The following SIL1 variants were observed in gnomAD, a reference collection of about 807,000 sequenced individuals.
The protein encoded by SIL1 is nucleotide exchange factor SIL1.
In SIL1, 40 loss-of-function variants were observed where a neutral mutation model predicts 49.1. The ratio of observed to expected loss-of-function variants is 0.81; its 90% CI spans 0.63 to 1.06. The LOEUF is 1.06. Among genes scored for constraint, SIL1 ranks in the 50% least tolerant of loss-of-function variants. SIL1 has a pLI of 0.00. For synonymous variants in SIL1, 253 were observed against 250.8 expected, an observed-to-expected ratio of 1.01 and a Z score of -0.08; for missense variants, 500 against 572.6, an observed-to-expected ratio of 0.87 and a Z score of 1.29.
chr5:139,064,772 T>C (rs1166838027), intron 3 of SIL1, among the ~76,000 whole-genome samples: 2 of 152,158 alleles, frequency 1.3e-5, no homozygotes, highest in African/African-American at 2.4e-5. Flanking sequence ...AAGATCTGGT[T>C]CCAGGTCCAG....
At position 139,009,166 on chromosome 5, in the gene SIL1, T is replaced by G. The variant is rs1313361340; in HGVS notation, c.767+12005A>C. On this transcript the variant is annotated intron_variant, in intron 7 of 9. Coordinates refer to ENST00000394817, the MANE Select transcript of SIL1 (RefSeq NM_022464.5). The stretch of plus-strand genomic sequence containing the variant: ...TGCTCCTGTATTGGGTGCATATATA[T>G]TTAGGATAGTTAGCTCTTCTTGTTG... Among the ~76,000 whole-genome samples the G allele has an allele frequency of 2.0e-5, 3 of 150,176 alleles. No homozygotes were observed. In the East Asian group the frequency reaches 5.9e-4, roughly 29 times the overall value.
chr5:139,062,340 T>C (rs1278475909), intron 3 of SIL1, among the ~76,000 whole-genome samples: 2 of 151,900 alleles, frequency 1.3e-5, no homozygotes, highest in African/African-American at 2.4e-5. Context: ...CTGAGAAAAA[T>C]AGGAATATTC....
At chr5:139,035,626 C>T (rs1405255846) in intron 5 of SIL1, 1 of 297,808 alleles carries the variant, frequency 3.4e-6, no homozygotes, top group Non-Finnish European at 6.5e-6. Flanking sequence ...ACCCTCCGTG[C>T]ATCTCAGGTA....
At chr5:139,157,170 TTATCAGGTGTGGAGAGAAATAGTCCAGAA>T (rs1194121185) in intron 1 of SIL1, among the ~76,000 whole-genome samples, 1 of 152,230 alleles carries the variant, frequency 6.6e-6, no homozygotes, top group Non-Finnish European at 1.5e-5. Context: ...GATGTTCTAA[TTATCAGGTGTGGAGAGAAATAGTCCAGAA>T]TCTATCATCC....
At chr5:139,133,958 C>G (rs973298736) in intron 1 of SIL1, among the ~76,000 whole-genome samples, 8 of 152,160 alleles carry the variant, frequency 5.3e-5, no homozygotes, top group Non-Finnish European at 7.4e-5. Context: ...GCTATGTGAT[C>G]TTGGACACAA....
chr5:139,056,706 CCCCCGCCCGGCCAGCCG>C (rs1769448665), intron 3 of SIL1, among the ~76,000 whole-genome samples: 1 of 151,024 alleles, frequency 6.6e-6, no homozygotes. Context: ...GGGCGTCAGC[CCCCCGCCCGGCCAGCCG>C]CCCCGCCCGG....
At chr5:139,042,860 G>A (rs1028611051) in intron 4 of SIL1, 141 bp from the exon 5 acceptor site, 7 of 770,146 alleles carry the variant, frequency 9.1e-6, no homozygotes, top group South Asian at 1.5e-5. Flanking sequence ...TATTAGTTAG[G>A]ATGTGATGGT....
chr5:139,051,931 A>G (rs1314574526), intron 3 of SIL1, among the ~76,000 whole-genome samples: 1 of 152,238 alleles, frequency 6.6e-6, no homozygotes, highest in Non-Finnish European at 1.5e-5. Context: ...GGAGAATTTC[A>G]GGGAAAAGGT....
In SIL1 at chr5:139,121,029, T is replaced by C. The variant is rs760124934; in HGVS notation, c.244+6A>G. The C allele has an allele frequency of 1.2e-6, 2 of 1,613,940 alleles. No homozygotes were observed. The highest frequency in any genetic ancestry group is 8.5e-7 in the Non-Finnish European group (1 of 1,180,024). ...TGTTTTGTGGGGACAGGGCTGGGCC[T>C]GATACCTGGCTGAAGGGCCTGCCAC... On this transcript the variant is annotated splice_donor_region_variant and intron_variant, in intron 3 of 9. Coordinates refer to ENST00000394817, the MANE Select transcript of SIL1 (RefSeq NM_022464.5).
intron 3 of SIL1, among the ~76,000 whole-genome samples, chr5:139,114,082 C>T (rs1770934049): frequency 6.6e-6 from 1 of 152,216 alleles, no homozygotes; most frequent in Non-Finnish European, 1.5e-5. Flanking sequence ...CACCCAAATG[C>T]ACAGATTGCA....
At chr5:139,143,344 C>CATATATATATATATATATATAT (rs1314250793) in intron 1 of SIL1, among the ~76,000 whole-genome samples, 4 of 97,498 alleles carry the variant, frequency 4.1e-5, no homozygotes, top group African/African-American at 1.1e-4. Context: ...CACACACACA[C>CATATATATATATATATATATAT]ATATATATAT....
intron 3 of SIL1, among the ~76,000 whole-genome samples, chr5:139,104,504 A>G (rs1319564041): frequency 6.6e-6 from 1 of 152,216 alleles, no homozygotes; most frequent in African/African-American, 2.4e-5. Context: ...TTCACAGACA[A>G]GGATTTTCTA....
intron 7 of SIL1, among the ~76,000 whole-genome samples, chr5:138,993,872 T>A (rs1316525416): frequency 1.3e-5 from 2 of 152,244 alleles, no homozygotes; most frequent in African/African-American, 4.8e-5. Flanking sequence ...AAGTCACACT[T>A]GGACTCCTGA....
intron 5 of SIL1, among the ~76,000 whole-genome samples, chr5:139,041,832 A>AT (rs1769055062): frequency 6.6e-6 from 1 of 151,868 alleles, no homozygotes; most frequent in East Asian, 1.9e-4. Flanking sequence ...AAAAAAAAAA[A>AT]ACAAAAAAAA....
chr5:139,168,340 T>C lies in SIL1; in HGVS notation c.-11+29929A>G, dbSNP rs573557238. ...GAAAGGCCTTGATGGCAAATTGCAG[T>C]TAATGTCTATCAATTTCAACTCTTA... is the stretch of plus-strand genomic sequence containing the variant. On this transcript the variant is annotated intron_variant, in intron 1 of 9. Coordinates refer to ENST00000394817, the MANE Select transcript of SIL1 (RefSeq NM_022464.5). 6.6e-5 allele frequency among the ~76,000 whole-genome samples: 10 copies of C among 152,300 alleles called. No homozygotes were observed. In the East Asian group the frequency reaches 1.9e-3, roughly 29 times the overall value.
At chr5:138,957,263 A>G (rs555435091) in intron 7 of SIL1, among the ~76,000 whole-genome samples, 40 of 152,200 alleles carry the variant, frequency 2.6e-4, no homozygotes, top group South Asian at 2.1e-3. Context: ...ATTTCAGACT[A>G]GTGCTTTAAA....
chr5:138,961,141 C>T (rs978448750), intron 7 of SIL1, among the ~76,000 whole-genome samples: 14 of 152,188 alleles, frequency 9.2e-5, no homozygotes, highest in Non-Finnish European at 2.1e-4. Flanking sequence ...TTTAAAAATA[C>T]TCTTAAGTCA....
At chr5:139,109,057 A>G (rs1770787938) in intron 3 of SIL1, among the ~76,000 whole-genome samples, 1 of 152,244 alleles carries the variant, frequency 6.6e-6, no homozygotes, top group Admixed American at 6.5e-5. Flanking sequence ...CCCACAAAGT[A>G]CATCCCTTAA....
At chr5:139,055,907 G>A (rs549952232) in intron 3 of SIL1, among the ~76,000 whole-genome samples, 6 of 152,138 alleles carry the variant, frequency 3.9e-5, no homozygotes, top group East Asian at 3.9e-4. Context: ...TCCTAACCGC[G>A]AGTGATCCGC....
Sources: gnomAD v4.1 joint callset for allele counts (sites outside exome capture counted in the v4.1 genomes callset) on GRCh38, gnomAD v4.1.1 for gene constraint, MANE v1.5 for transcripts, NCBI Gene and HGNC (gene_info 2026-07-23, HGNC 2026-07-21) for gene names.